The following RELN variants were observed in gnomAD, a reference collection of about 807,000 sequenced individuals.
The protein encoded by RELN is reelin.
A neutral mutation model predicts 427.6 loss-of-function variants in RELN; 108 were observed. That is an observed-to-expected ratio of 0.25 (90% CI 0.22 to 0.30). RELN has a LOEUF of 0.30. Ranked by LOEUF, RELN falls within the 10% of genes least tolerant of loss-of-function variation. The pLI is 1.00. For missense variants in RELN, 3,715 were observed against 4,302.8 expected, an observed-to-expected ratio of 0.86 and a Z score of 3.82; for synonymous variants, 1,524 against 1,513.4, an observed-to-expected ratio of 1.01 and a Z score of -0.16.
intron 2 of RELN, among the ~76,000 whole-genome samples, chr7:103,875,759 G>T (rs542478864): frequency 2.0e-5 from 3 of 152,066 alleles, no homozygotes; most frequent in Non-Finnish European, 4.4e-5. Context: ...TCAAAACCCT[G>T]AATCTGTCTT....
intron 13 of RELN, 93 bp from the exon 14 acceptor site, chr7:103,652,852 A>G: frequency 9.3e-7 from 1 of 1,077,746 alleles, no homozygotes; most frequent in Admixed American, 1.8e-5. Flanking sequence ...CGCTATGTAC[A>G]TAACTGCCAT....
intron 3 of RELN, among the ~76,000 whole-genome samples, chr7:103,822,128 T>C (rs39342): frequency 0.18 from 27,694 of 152,018 alleles, 2,718 homozygotes; most frequent in Non-Finnish European, 0.21. Context: ...CCAGAAAATA[T>C]GTGGCTTACA....
At chr7:103,731,077 G>C (rs1306522585) in intron 6 of RELN, among the ~76,000 whole-genome samples, 2 of 152,106 alleles carry the variant, frequency 1.3e-5, no homozygotes, top group Admixed American at 1.3e-4. Context: ...TCAATGCAAT[G>C]ATGCAATGAT....
chr7:103,797,901 C>T (rs1188487894), intron 3 of RELN, among the ~76,000 whole-genome samples: 1 of 152,170 alleles, frequency 6.6e-6, no homozygotes, highest in African/African-American at 2.4e-5. Flanking sequence ...TTAGCTTCCT[C>T]AATCACTACA....
intron 4 of RELN, among the ~76,000 whole-genome samples, chr7:103,757,883 G>A (rs561776767): frequency 9.1e-4 from 138 of 152,284 alleles, no homozygotes; most frequent in Admixed American, 3.2e-3. Flanking sequence ...TGAGACCCAT[G>A]AAACTGTACA....
intron 1 of RELN, among the ~76,000 whole-genome samples, chr7:103,963,490 T>A (rs1199866803): frequency 6.6e-6 from 1 of 152,216 alleles, no homozygotes; most frequent in East Asian, 1.9e-4. Context: ...CTTGTGGATA[T>A]GAGCTTGCTT....
At chr7:103,925,250 A>C (rs1486472766) in intron 1 of RELN, among the ~76,000 whole-genome samples, 1 of 152,156 alleles carries the variant, frequency 6.6e-6, no homozygotes, top group Non-Finnish European at 1.5e-5. Flanking sequence ...ATTAAAATAT[A>C]ATTTTACAAT....
intron 46 of RELN, 86 bp from the exon 47 acceptor site, chr7:103,523,617 G>T: frequency 7.7e-7 from 1 of 1,303,158 alleles, no homozygotes; most frequent in Non-Finnish European, 1.1e-6. Flanking sequence ...ATGGAGAAGT[G>T]TAACACAAAA....
intron 2 of RELN, among the ~76,000 whole-genome samples, chr7:103,882,881 C>T (rs1438116614): frequency 1.3e-5 from 2 of 152,180 alleles, no homozygotes; most frequent in Non-Finnish European, 2.9e-5. Context: ...GGTACCATTC[C>T]TTCTAAAACT....
At chr7:103,616,066 C>A (rs1832071945) in intron 20 of RELN, among the ~76,000 whole-genome samples, 1 of 152,118 alleles carries the variant, frequency 6.6e-6, no homozygotes, top group African/African-American at 2.4e-5. Context: ...TGCAACTGAG[C>A]CCATCTCTTT....
chr7:103,805,975 T>G (rs577294550), intron 3 of RELN, among the ~76,000 whole-genome samples: 1 of 152,164 alleles, frequency 6.6e-6, no homozygotes, highest in South Asian at 2.1e-4. Context: ...GAAGAAAACA[T>G]GAATTTTGAG....
intron 23 of RELN, among the ~76,000 whole-genome samples, 163 bp downstream of exon 23, chr7:103,604,183 T>C (rs994420031): frequency 3.3e-5 from 5 of 152,218 alleles, no homozygotes; most frequent in East Asian, 1.9e-4. Context: ...AATGTAACAA[T>C]AGCTTTTACA....
At position 103,680,422 on chromosome 7, in the gene RELN, G is replaced by T. The variant is rs60325725; in HGVS notation, c.1289+1694C>A. 9.4e-3 allele frequency among the ~76,000 whole-genome samples: 1,427 copies of T among 152,120 alleles called. 19 individuals are homozygous for T. Among genetic ancestry groups the T allele is most frequent in the African/African-American group, 0.023 (958 of 41,492 alleles). Reference sequence around the variant, plus strand: ...AATTAGCGTGGAGAGATGAAAGCGTGGGAGTAAATGAGTCTCTTGTGCCTC... The same window carrying T: ...AATTAGCGTGGAGAGATGAAAGCGTTGGAGTAAATGAGTCTCTTGTGCCTC... On this transcript the variant is annotated intron_variant, in intron 11 of 64. Coordinates refer to ENST00000428762, the MANE Select transcript of RELN (RefSeq NM_005045.4).
rs1013681177 is a variant in RELN, at chr7:103,640,729, G to C, written c.2003-120C>G. On this transcript the variant is annotated intron_variant, in intron 16 of 64. Coordinates refer to ENST00000428762, the MANE Select transcript of RELN (RefSeq NM_005045.4). The surrounding 1 kb of genome is among the most constrained non-coding windows in gnomAD (Gnocchi z 4.1). ...TGTATGTTGTGTGCAGGAACCCAGG[G>C]TGACATATGGAATGCTGTGTAATAA... The C allele has an allele frequency of 1.1e-6, 1 of 947,994 alleles. No individual in the cohort carries two copies. Among genetic ancestry groups the C allele is most frequent in the Non-Finnish European group, 1.7e-6 (1 of 605,390 alleles). The allele number at this position is 947,994 out of a possible 1,614,324, so 58.7% of individuals were successfully genotyped here.
intron 1 of RELN, among the ~76,000 whole-genome samples, chr7:103,917,842 A>T (rs1795520636): frequency 6.6e-6 from 1 of 152,110 alleles, no homozygotes; most frequent in Admixed American, 6.6e-5. Flanking sequence ...GGTAAAATTA[A>T]ATATATACGT....
chr7:103,785,618 G>C (rs974058762), intron 3 of RELN, among the ~76,000 whole-genome samples: 3 of 152,016 alleles, frequency 2.0e-5, no homozygotes, highest in African/African-American at 7.2e-5. Flanking sequence ...CAATTTTAAG[G>C]TTCAAACAGC....
intron 57 of RELN, among the ~76,000 whole-genome samples, chr7:103,493,043 G>GGTAA (rs1304601061): frequency 6.6e-6 from 1 of 152,136 alleles, no homozygotes; most frequent in African/African-American, 2.4e-5. Flanking sequence ...ACCTTAATTT[G>GGTAA]GTAAGTGATG....
intron 2 of RELN, among the ~76,000 whole-genome samples, chr7:103,881,439 A>C (rs367800130): frequency 2.6e-5 from 4 of 152,154 alleles, no homozygotes; most frequent in African/African-American, 9.6e-5. Context: ...TCATCATCAG[A>C]GACAGAAAGA....
chr7:103,675,116 A>T (rs1833486850), intron 11 of RELN, among the ~76,000 whole-genome samples: 1 of 152,234 alleles, frequency 6.6e-6, no homozygotes, highest in Non-Finnish European at 1.5e-5. Flanking sequence ...TGCAGATGAC[A>T]TGATTGTATA....
Sources: allele counts gnomAD v4.1 joint callset (sites outside exome capture counted in the v4.1 genomes callset), GRCh38; gene constraint gnomAD v4.1.1; non-coding constraint Gnocchi (gnomAD v3.1); transcripts MANE v1.5; gene names NCBI Gene and HGNC (gene_info 2026-07-23, HGNC 2026-07-21).